The following WDR17 variants were observed in gnomAD, a reference collection of about 807,000 sequenced individuals.
WDR17 encodes the protein WD repeat-containing protein 17.
A neutral mutation model predicts 161.7 loss-of-function variants in WDR17; 143 were observed. The observed-to-expected ratio is 0.88, with a 90% confidence interval of 0.77 to 1.02. The LOEUF (loss-of-function observed/expected upper bound fraction) is 1.02, where lower values mean the gene tolerates loss of function less well. Among genes scored for constraint, WDR17 ranks in the 50% least tolerant of loss-of-function variants. The pLI is 0.00. For missense variants in WDR17, 1,469 were observed against 1,520.9 expected (o/e 0.97, Z 0.57); for synonymous variants, 517 against 515.6 (o/e 1.00, Z -0.04).
At chr4:176,131,057 G>A (rs2126756684) in intron 6 of WDR17, among the ~76,000 whole-genome samples, 1 of 152,240 alleles carries the variant, frequency 6.6e-6, no homozygotes. Context: ...AGGTCAGATA[G>A]TGTTGTGATT....
intron 1 of WDR17, among the ~76,000 whole-genome samples, chr4:176,107,745 A>G (rs1738984966): frequency 6.6e-6 from 1 of 151,962 alleles, no homozygotes; most frequent in Non-Finnish European, 1.5e-5. Context: ...TATATTTGGG[A>G]TGTTAATCCC....
chr4:176,094,458 G>A lies in WDR17; in HGVS notation c.-6-17117G>A, dbSNP rs910449063. Among the ~76,000 whole-genome samples, 13 of 152,172 alleles carry A rather than the reference G, an allele frequency of 8.5e-5. 1 individual carries two copies. Among genetic ancestry groups the A allele is most frequent in the African/African-American group, 3.1e-4 (13 of 41,456 alleles). On this transcript the variant is annotated intron_variant, in intron 1 of 28. Transcript: ENST00000508596. ...GATTTGAGAAAGTCTTCAAAAGAAA[G>A]AGACATTTAATTTGAGTCTTGAAAA...
At chr4:176,071,164 G>T (rs1324111637) in intron 1 of WDR17, among the ~76,000 whole-genome samples, 1 of 151,428 alleles carries the variant, frequency 6.6e-6, no homozygotes, top group Admixed American at 6.6e-5. Context: ...ATAAAAATAG[G>T]GGTATACTTT....
Position 176,148,187 on chromosome 4 carries a change from A to G in WDR17, c.1749A>G (p.Gly583=). The G allele has an allele frequency of 6.2e-7, 1 of 1,613,984 alleles. No individual in the cohort carries two copies. The highest frequency in any genetic ancestry group is 8.5e-7 in the Non-Finnish European group (1 of 1,179,946). ...ATGCTTGCATCAATATTCTTAATGGACACACTGCACCTGTGAGAGGATTAA... is the reference window on the plus strand; with the variant it reads ...ATGCTTGCATCAATATTCTTAATGGGCACACTGCACCTGTGAGAGGATTAA... ...TQDACINILN[G]HTAPVRGLMW... Residue 583 remains glycine, a synonymous_variant, in exon 13 of 29, where the codon GGA becomes GGG. Coordinates refer to ENST00000508596, the MANE Select transcript of WDR17 (RefSeq NM_181265.4).
At position 176,182,153 on chromosome 4, in the gene WDR17, G is replaced by T. The variant is rs1056537255; in HGVS notation, c.*2574G>T. On this transcript the variant is annotated 3_prime_UTR_variant, in exon 29 of 29. Transcript: ENST00000508596. The surrounding 1 kb of genome is among the most constrained non-coding windows in gnomAD (Gnocchi z 4.2). ...AAAATGTTCATATTACCAATAATGTGGACAAATTACTTTGCAGGTTTAAAT... is the reference window on the plus strand; with the variant it reads ...AAAATGTTCATATTACCAATAATGTTGACAAATTACTTTGCAGGTTTAAAT... The T allele has an allele frequency of 2.6e-5, 4 of 151,708 alleles. No individual in the cohort carries two copies. Among genetic ancestry groups the T allele is most frequent in the Admixed American group, 2.6e-4 (4 of 15,200 alleles). 9.4% of individuals were successfully genotyped at this position (151,708 alleles called of 1,614,324 possible). A position where few individuals can be genotyped will look rare whatever the true frequency, so the allele number is the denominator to read the frequency against.
At chr4:176,097,742 TACAC>T (rs35130339) in intron 1 of WDR17, among the ~76,000 whole-genome samples, 4,193 of 143,110 alleles carry the variant, frequency 0.029, 123 homozygotes, top group African/African-American at 0.085. Flanking sequence ...CACACACACA[TACAC>T]ACACACACAC....
chr4:176,159,269 ACACATG>A (rs946987300), intron 18 of WDR17, among the ~76,000 whole-genome samples: 1 of 116,122 alleles, frequency 8.6e-6, no homozygotes, highest in Non-Finnish European at 1.7e-5. Flanking sequence ...AGATACACAC[ACACATG>A]CACACACACA....
intron 17 of WDR17, among the ~76,000 whole-genome samples, chr4:176,153,328 T>G (rs1224800067): frequency 1.3e-5 from 2 of 152,212 alleles, no homozygotes; most frequent in Non-Finnish European, 1.5e-5. Flanking sequence ...GAATATCATC[T>G]GATAAAGGAT....
intron 11 of WDR17, among the ~76,000 whole-genome samples, chr4:176,143,076 T>C (rs904706717): frequency 1.3e-5 from 2 of 152,118 alleles, no homozygotes; most frequent in Admixed American, 6.5e-5. Flanking sequence ...ACGGGGTTTC[T>C]CCATGCTGGT....
chr4:176,075,141 T>G (rs1733801563), intron 1 of WDR17, among the ~76,000 whole-genome samples: 1 of 152,020 alleles, frequency 6.6e-6, no homozygotes, highest in South Asian at 2.1e-4. Flanking sequence ...AGATGTTTTA[T>G]GTATATGTTA....
At position 176,182,012 on chromosome 4, in the gene WDR17, T is replaced by G. The variant is rs1410808954; in HGVS notation, c.*2433T>G. On this transcript the variant is annotated 3_prime_UTR_variant, in exon 29 of 29. Transcript: ENST00000508596. This position sits in a 1 kb window ranked among gnomAD's most constrained non-coding sequence, Gnocchi z 4.2. ...TATAAATGTCATTTGACTATGTCAA[T>G]CTGTATATATTGTACCTTAATATGA... The G allele has an allele frequency of 6.6e-6, 1 of 152,114 alleles. No homozygotes were observed. The highest frequency in any genetic ancestry group is 1.5e-5 in the Non-Finnish European group (1 of 67,958). The allele number at this position is 152,114 out of a possible 1,614,324, so 9.4% of individuals were successfully genotyped here. A position where few individuals can be genotyped will look rare whatever the true frequency, so the allele number is the denominator to read the frequency against.
At chr4:176,127,711 TCTAC>T (rs1742683736) in intron 5 of WDR17, among the ~76,000 whole-genome samples, 2 of 152,206 alleles carry the variant, frequency 1.3e-5, no homozygotes, top group Admixed American at 1.3e-4. Context: ...TTCACAAAGC[TCTAC>T]AATTATTACC....
chr4:176,105,181 T>TAA (rs1561104924), intron 1 of WDR17, among the ~76,000 whole-genome samples: 5 of 151,972 alleles, frequency 3.3e-5, no homozygotes, highest in African/African-American at 1.2e-4. Flanking sequence ...CAGCAAAATA[T>TAA]AAGTTATAAC....
intron 22 of WDR17, chr4:176,166,002 T>G: frequency 2.1e-6 from 1 of 483,196 alleles, no homozygotes; most frequent in South Asian, 2.5e-5. Context: ...CTACATCATT[T>G]ATAAAGATGT....
chr4:176,141,311 G>C (rs998484371), intron 10 of WDR17, among the ~76,000 whole-genome samples: 1 of 152,078 alleles, frequency 6.6e-6, no homozygotes, highest in East Asian at 1.9e-4. Context: ...TTCATAAATA[G>C]TTGTTTTAAA....
intron 1 of WDR17, among the ~76,000 whole-genome samples, chr4:176,094,444 G>A (rs1398537657): frequency 6.6e-6 from 1 of 152,186 alleles, no homozygotes; most frequent in Non-Finnish European, 1.5e-5. Context: ...ATTTGAGAAA[G>A]TCTTCAAAAG....
intron 20 of WDR17, 62 bp from the exon 21 acceptor site, chr4:176,162,012 AT>A: frequency 7.4e-7 from 1 of 1,350,112 alleles, no homozygotes; most frequent in Middle Eastern, 2.4e-4. Flanking sequence ...TTTAAAAAGT[AT>A]TAGTTTGCTT....
Position 176,137,455 on chromosome 4 carries a change from A to AT in WDR17, c.1268-59dup, listed in dbSNP as rs926875290. The AT allele has an allele frequency of 1.3e-5, 18 of 1,363,244 alleles. No individual in the cohort carries two copies. The Admixed American group carries it at 2.1e-4, about 16-fold the overall frequency. The allele number at this position is 1,363,244 out of a possible 1,614,324, so 84.4% of individuals were successfully genotyped here. A position where few individuals can be genotyped will look rare whatever the true frequency, so the allele number is the denominator to read the frequency against. ...CAGTTCTTACATTTTCACAAGTTACATTTTTTAAAAGAATTACATTTGTGG... is the reference window on the plus strand; with the variant it reads ...CAGTTCTTACATTTTCACAAGTTACATTTTTTTAAAAGAATTACATTTGTGG... On this transcript the variant is annotated intron_variant, in intron 8 of 28. Coordinates refer to ENST00000508596, the MANE Select transcript of WDR17 (RefSeq NM_181265.4).
intron 24 of WDR17, 141 bp from the exon 25 acceptor site, chr4:176,173,126 A>G (rs1296381700): frequency 1.8e-6 from 1 of 552,558 alleles, no homozygotes; most frequent in Non-Finnish European, 3.2e-6. Flanking sequence ...AGAGAGGATA[A>G]ATAGGAAAAT....
Sources: allele counts gnomAD v4.1 joint callset (sites outside exome capture counted in the v4.1 genomes callset), GRCh38; gene constraint gnomAD v4.1.1; non-coding constraint Gnocchi (gnomAD v3.1); transcripts MANE v1.5; gene names NCBI Gene and HGNC (gene_info 2026-07-23, HGNC 2026-07-21).